The following SCRIB variants were observed in gnomAD, a reference collection of about 807,000 sequenced individuals.
SCRIB encodes the protein scribble planar cell polarity protein.
Under a neutral mutation model 170.0 loss-of-function variants are expected in SCRIB, and 72 were observed. The ratio of observed to expected loss-of-function variants is 0.42; its 90% CI spans 0.35 to 0.52. The LOEUF (loss-of-function observed/expected upper bound fraction) is 0.52, where lower values mean the gene tolerates loss of function less well. SCRIB is among the 20% of genes least tolerant of loss of function. The pLI is 0.02. For synonymous variants in SCRIB, 1,298 were observed against 1,044.3 expected, an observed-to-expected ratio of 1.24 and a Z score of -4.68; for missense variants, 2,475 against 2,338.5, an observed-to-expected ratio of 1.06 and a Z score of -1.20.
intron 24 of SCRIB, among the ~76,000 whole-genome samples, chr8:143,797,709 C>T (rs1374580758): frequency 1.3e-5 from 2 of 152,240 alleles, no homozygotes; most frequent in African/African-American, 4.8e-5. Context: ...TGGGGGCAGT[C>T]ACTGCAGGCA....
Position 143,808,803 on chromosome 8 carries a change from C to G in SCRIB, c.1921G>C (p.Ala641Pro). ...GMQPDGEGPV[A>P]PGGWHNGPHA... ...GGGCCATTGTGCCAGCCCCCGGGAGCCACAGGGCCCTCCCCATCAGGCTGC... is the reference window on the plus strand; with the variant it reads ...GGGCCATTGTGCCAGCCCCCGGGAGGCACAGGGCCCTCCCCATCAGGCTGC... The change falls in exon 15 of 37, where the codon GCT becomes CCT. Residue 641 changes from alanine to proline, a missense_variant. Ala to Pro is a conservative substitution (Grantham distance 27, BLOSUM62 -1). This residue lies in a region of SCRIB where 1,966 missense variants were observed against 1,742.9 expected (regional missense o/e 1.13). Coordinates refer to ENST00000356994, the MANE Select transcript of SCRIB (RefSeq NM_182706.5). 2 of 1,611,968 alleles carry G rather than the reference C, an allele frequency of 1.2e-6. No homozygotes were observed. The highest frequency in any genetic ancestry group is 1.7e-6 in the Non-Finnish European group (2 of 1,179,334).
chr8:143,809,253 C>T (rs1815590619), intron 14 of SCRIB, among the ~76,000 whole-genome samples: 1 of 152,126 alleles, frequency 6.6e-6, no homozygotes. Flanking sequence ...AAGGGGTGCG[C>T]CAAGGCCTCA....
chr8:143,813,174 A>T, intron 6 of SCRIB, 70 bp from the exon 7 acceptor site: 1 of 1,586,828 alleles, frequency 6.3e-7, no homozygotes, highest in Non-Finnish European at 8.6e-7. Flanking sequence ...TCAAGAGACT[A>T]TACGCCCCCA....
intron 24 of SCRIB, 50 bp downstream of exon 24, chr8:143,803,333 C>A (rs1554635343): frequency 6.7e-7 from 1 of 1,484,478 alleles, no homozygotes. Flanking sequence ...GCTCACAACA[C>A]CTTGGGCTGG....
intron 14 of SCRIB, among the ~76,000 whole-genome samples, chr8:143,809,278 C>T (rs1000231349): frequency 1.3e-5 from 2 of 152,012 alleles, no homozygotes; most frequent in South Asian, 2.1e-4. Context: ...AGGGAGCCCA[C>T]GGGGGTCAGA....
chr8:143,792,851 G>A lies in SCRIB; in HGVS notation c.4034C>T (p.Pro1345Leu). ...GGACAGCTGCTCCGGGGAGGCTGCA[G>A]GCCCAGGCGTGGGGGGCTGGGGGGA... is the stretch of plus-strand genomic sequence containing the variant. ...DAPAQPPTPGPAASPEQLSFR... is the reference protein window; with the variant it reads ...DAPAQPPTPGLAASPEQLSFR... The change falls in exon 30 of 37, where the codon CCT becomes CTT. Residue 1345 changes from proline (P) to leucine (L), a missense_variant. By Grantham distance (98) the Pro-to-Leu change is moderately conservative. This residue lies in a region of SCRIB where 1,966 missense variants were observed against 1,742.9 expected (regional missense o/e 1.13). Coordinates refer to ENST00000356994, the MANE Select transcript of SCRIB (RefSeq NM_182706.5). The A allele has an allele frequency of 6.6e-7, 1 of 1,525,834 alleles. No individual in the cohort carries two copies. 94.5% of individuals were successfully genotyped at this position (1,525,834 alleles called of 1,614,324 possible).
At chr8:143,797,689 A>G (rs1554634300) in intron 24 of SCRIB, among the ~76,000 whole-genome samples, 3 of 152,254 alleles carry the variant, frequency 2.0e-5, no homozygotes, top group Non-Finnish European at 2.9e-5. Context: ...TGAGGACATC[A>G]GACCCAGCGT....
Position 143,813,545 on chromosome 8 carries a change from G to A in SCRIB, c.447-19C>T, listed in dbSNP as rs757290531. On this transcript the variant is annotated intron_variant, in intron 4 of 36. Coordinates refer to ENST00000356994, the MANE Select transcript of SCRIB (RefSeq NM_182706.5). Reference sequence around the variant, plus strand: ...GGCGAGGCTGAAAGAGAGACCAGGCGCTGGGGCAAGAGGAAGGAAAGCAGT... The same window carrying A: ...GGCGAGGCTGAAAGAGAGACCAGGCACTGGGGCAAGAGGAAGGAAAGCAGT... 5.6e-6 allele frequency: 9 copies of A among 1,613,168 alleles called. 1 individual carries two copies. Among genetic ancestry groups the A allele is most frequent in the South Asian group, 4.4e-5 (4 of 91,080 alleles).
In SCRIB at chr8:143,792,054, GC is replaced by G; in HGVS notation, c.4593del (p.Leu1533TrpfsTer66). The G allele has an allele frequency of 3.2e-6, 5 of 1,585,764 alleles. No homozygotes were observed. The highest frequency in any genetic ancestry group is 2.6e-6 in the Non-Finnish European group (3 of 1,171,236). On this transcript the variant is annotated frameshift_variant, in exon 33 of 37. Transcript: ENST00000356994. LOFTEE classifies it high-confidence loss of function. ...SRSQEGRGTR[G>X]PLERLAEAPS... is the part of the protein sequence containing the mutation. ...GGGGCCTCGGCCAGTCGCTCCAGGG[GC>G]CCCCGCGTGCCCCGGCCTTCCTGGG... is the stretch of plus-strand genomic sequence containing the variant.
chr8:143,792,319 C>G lies in SCRIB; in HGVS notation c.4415G>C (p.Arg1472Pro). ...TGCCGGTGGCTCCGGACTCTGCACG[C>G]GCAGCCGCTCCTGGTGGCGCCGTTC... is the stretch of plus-strand genomic sequence containing the variant. ...KAERRHQERLRVQSPEPPAPE... is the reference protein window; with the variant it reads ...KAERRHQERLPVQSPEPPAPE... The change falls in exon 32 of 37, where the codon CGC (arginine) becomes CCC (proline). Residue 1472 changes from arginine (R) to proline (P), a missense_variant. Transcript: ENST00000356994. 1.3e-6 allele frequency: 2 copies of G among 1,550,732 alleles called. No individual in the cohort carries two copies. Among genetic ancestry groups the G allele is most frequent in the African/African-American group, 1.4e-5 (1 of 73,834 alleles).
Position 143,813,680 on chromosome 8 carries a change from G to A in SCRIB, c.403C>T (p.Leu135=), listed in dbSNP as rs540471606. Residue 135 remains leucine, a synonymous_variant, in exon 4 of 37, where the codon CTG becomes TTG. Coordinates refer to ENST00000356994, the MANE Select transcript of SCRIB (RefSeq NM_182706.5). ...TQLRSLAHLA[L]NDVSLQALPG... ...AGTGCCTGCAGAGACACATCATTCAGGGCCAGGTGAGCCAGGCTGCGCAGC... is the reference window on the plus strand; with the variant it reads ...AGTGCCTGCAGAGACACATCATTCAAGGCCAGGTGAGCCAGGCTGCGCAGC... 5 of 1,613,494 alleles carry A rather than the reference G, an allele frequency of 3.1e-6. No individual in the cohort carries two copies. The African/African-American group carries it at 4.0e-5, about 13-fold the overall frequency.
In SCRIB at chr8:143,792,644, G is replaced by T; in HGVS notation, c.4178-9C>A. ...CTGCTGTAGTTTTCTGGCTGCCGGA[G>T]GGCAGGGTGGGTCAGGCCAGACCAG... is the stretch of plus-strand genomic sequence containing the variant. On this transcript the variant is annotated splice_polypyrimidine_tract_variant and intron_variant, in intron 30 of 36. Coordinates refer to ENST00000356994, the MANE Select transcript of SCRIB (RefSeq NM_182706.5). 6.3e-7 allele frequency: 1 copy of T among 1,592,826 alleles called. No individual in the cohort carries two copies. The highest frequency in any genetic ancestry group is 8.5e-7 in the Non-Finnish European group (1 of 1,177,056).
At chr8:143,793,576 C>A in intron 28 of SCRIB, 2 of 366,872 alleles carry the variant, frequency 5.5e-6, no homozygotes, top group East Asian at 4.3e-5. Context: ...GGGGCAAGGA[C>A]CCCCAGACAA....
Position 143,806,956 on chromosome 8 carries a change from T to G in SCRIB, c.2236A>C (p.Lys746Gln). The G allele has an allele frequency of 6.2e-7, 1 of 1,613,392 alleles. No individual in the cohort carries two copies. Among genetic ancestry groups the G allele is most frequent in the Non-Finnish European group, 8.5e-7 (1 of 1,179,776 alleles). ...GGLGISIAGG[K>Q]GSTPYKGDDE... ...TCCCCCTTATAGGGTGTGGAGCCCT[T>G]GCCGCCCGCAATGCTGATGCCCAGG... is the stretch of plus-strand genomic sequence containing the variant. The change falls in exon 17 of 37, where the codon AAG becomes CAG. Residue 746 changes from lysine to glutamine, a missense_variant. By Grantham distance (53) the Lys-to-Gln change is moderately conservative. Coordinates refer to ENST00000356994, the MANE Select transcript of SCRIB (RefSeq NM_182706.5).
At chr8:143,809,051 G>A in intron 14 of SCRIB, 26 bp from the exon 15 acceptor site, 2 of 1,587,730 alleles carry the variant, frequency 1.3e-6, no homozygotes, top group Admixed American at 1.7e-5. Context: ...GGTGAGGGTG[G>A]CCCCAGCTCT....
chr8:143,796,801 G>T (rs1554634182), intron 24 of SCRIB, among the ~76,000 whole-genome samples: 2 of 152,154 alleles, frequency 1.3e-5, no homozygotes, highest in Non-Finnish European at 2.9e-5. Context: ...TCCAAGAGAG[G>T]CAGGGGTCCT....
Position 143,804,764 on chromosome 8 carries a change from G to C in SCRIB, c.2813C>G (p.Ala938Gly), listed in dbSNP as rs1554635954. 6.2e-7 allele frequency: 1 copy of C among 1,603,476 alleles called. No individual in the cohort carries two copies. The highest frequency in any genetic ancestry group is 1.3e-5 in the African/African-American group (1 of 74,932). Residue 938 changes from alanine to glycine, a missense_variant, in exon 21 of 37, where the codon GCC becomes GGC. By Grantham distance (60) the Ala-to-Gly change is moderately conservative (BLOSUM62 0). Coordinates refer to ENST00000356994, the MANE Select transcript of SCRIB (RefSeq NM_182706.5). Reference sequence around the variant, plus strand: ...CAACAGCAGGGCGATGGTGGGGGAGGCAGCGGTCAGCAGGGAGACGGCGTG... The same window carrying C: ...CAACAGCAGGGCGATGGTGGGGGAGCCAGCGGTCAGCAGGGAGACGGCGTG... ...HDHAVSLLTA[A>G]SPTIALLLER...
At chr8:143,797,564 G>C (rs1289009466) in intron 24 of SCRIB, among the ~76,000 whole-genome samples, 1 of 152,198 alleles carries the variant, frequency 6.6e-6, no homozygotes, top group African/African-American at 2.4e-5. Context: ...TAACTGCAGG[G>C]GGAAACCTGG....
intron 31 of SCRIB, 32 bp downstream of exon 31, chr8:143,792,453 G>A: frequency 6.6e-7 from 1 of 1,515,636 alleles, no homozygotes; most frequent in Non-Finnish European, 8.8e-7. Context: ...CACGTGGGGT[G>A]AGTAGGGGGC....
Sources: gnomAD v4.1 joint callset for allele counts (sites outside exome capture counted in the v4.1 genomes callset) on GRCh38, gnomAD v4.1.1 for gene constraint, gnomAD v4.1.1 regional missense constraint, MANE v1.5 for transcripts, NCBI Gene and HGNC (gene_info 2026-07-23, HGNC 2026-07-21) for gene names.